Variants in MSRB3 observed in about 807,000 individuals in gnomAD.
MSRB3 encodes the protein methionine sulfoxide reductase B3.
Under a neutral mutation model 21.0 loss-of-function variants are expected in MSRB3, and 13 were observed. The ratio of observed to expected loss-of-function variants is 0.62; its 90% CI spans 0.40 to 0.98. The LOEUF (loss-of-function observed/expected upper bound fraction) is 0.98, where lower values mean the gene tolerates loss of function less well. MSRB3 is among the 50% of genes least tolerant of loss of function. The pLI, the probability that MSRB3 is intolerant of heterozygous loss-of-function variation, is 0.00. For missense variants in MSRB3, 199 were observed against 230.3 expected (o/e 0.86, Z 0.88); for synonymous variants, 87 against 88.6 (o/e 0.98, Z 0.10).
At chr12:65,392,198 G>A (rs2136580198) in intron 5 of MSRB3, among the ~76,000 whole-genome samples, 1 of 152,214 alleles carries the variant, frequency 6.6e-6, no homozygotes, top group Non-Finnish European at 1.5e-5. Flanking sequence ...TTGGAGCCCA[G>A]ACACTGGCAT....
chr12:65,428,441 C>T (rs1156461863), intron 5 of MSRB3, among the ~76,000 whole-genome samples: 1 of 152,050 alleles, frequency 6.6e-6, no homozygotes, highest in Non-Finnish European at 1.5e-5. Flanking sequence ...GCTGATATCT[C>T]CTACTCTGCC....
intron 1 of MSRB3, among the ~76,000 whole-genome samples, chr12:65,305,522 T>C (rs549337944): frequency 6.6e-6 from 1 of 152,210 alleles, no homozygotes; most frequent in African/African-American, 2.4e-5. Context: ...ATGTCCTGAG[T>C]TCACATGTAT....
intron 2 of MSRB3, among the ~76,000 whole-genome samples, chr12:65,310,759 T>TA (rs1224960054): frequency 1.3e-5 from 2 of 152,232 alleles, no homozygotes; most frequent in African/African-American, 4.8e-5. Flanking sequence ...TGATAGTTTT[T>TA]AAAAAATTAA....
At chr12:65,282,674 G>T (rs1269523743) in intron 1 of MSRB3, among the ~76,000 whole-genome samples, 1 of 134,964 alleles carries the variant, frequency 7.4e-6, no homozygotes, top group Admixed American at 7.3e-5. Context: ...TTCTTTGCTG[G>T]TGTTTTTTTT....
chr12:65,346,202 C>A (rs1043858916), intron 4 of MSRB3, among the ~76,000 whole-genome samples: 1 of 152,194 alleles, frequency 6.6e-6, no homozygotes, highest in South Asian at 2.1e-4. Context: ...GTCCCACCAA[C>A]AGTGTAAAAG....
At chr12:65,394,387 T>C (rs974343059) in intron 5 of MSRB3, among the ~76,000 whole-genome samples, 2 of 152,126 alleles carry the variant, frequency 1.3e-5, no homozygotes, top group African/African-American at 4.8e-5. Context: ...ACTACTGAAA[T>C]TGACTTGAGA....
intron 1 of MSRB3, among the ~76,000 whole-genome samples, chr12:65,304,689 T>G (rs1873544077): frequency 6.6e-6 from 1 of 152,232 alleles, no homozygotes; most frequent in African/African-American, 2.4e-5. Context: ...TGCTCAATGC[T>G]GATTTCTACA....
chr12:65,422,836 C>T, intron 5 of MSRB3, among the ~76,000 whole-genome samples: 1 of 150,864 alleles, frequency 6.6e-6, no homozygotes, highest in East Asian at 1.9e-4. Flanking sequence ...TTCTTGCTTT[C>T]TTTTTTGAGT....
At chr12:65,345,826 G>A (rs1876460925) in intron 4 of MSRB3, among the ~76,000 whole-genome samples, 1 of 152,190 alleles carries the variant, frequency 6.6e-6, no homozygotes, top group South Asian at 2.1e-4. Flanking sequence ...GTGAGAACAT[G>A]TGGTGTTTGG....
Position 65,380,998 on chromosome 12 carries a change from C to A in MSRB3, c.292+11972C>A, listed in dbSNP as rs750281889. Among the ~76,000 whole-genome samples, 94 of 152,116 alleles carry A rather than the reference C, an allele frequency of 6.2e-4. 2 individuals are homozygous for A. The highest frequency in any genetic ancestry group is 1.5e-4 in the Non-Finnish European group (10 of 68,012). On this transcript the variant is annotated intron_variant, in intron 5 of 6. Transcript: ENST00000308259. Reference sequence around the variant, plus strand: ...TAGTTGCAGAAATTTTCTCCCCCTCCAAGTAGTTACTCGGATTCAGTAGTC... The same window carrying A: ...TAGTTGCAGAAATTTTCTCCCCCTCAAAGTAGTTACTCGGATTCAGTAGTC...
At chr12:65,433,477 T>C (rs1049060140) in intron 5 of MSRB3, among the ~76,000 whole-genome samples, 1 of 151,872 alleles carries the variant, frequency 6.6e-6, no homozygotes, top group African/African-American at 2.4e-5. Flanking sequence ...ATTTCAGTAG[T>C]TCTTCTGGTC....
At chr12:65,459,852 T>G (rs1341669290) in intron 6 of MSRB3, among the ~76,000 whole-genome samples, 2 of 152,210 alleles carry the variant, frequency 1.3e-5, no homozygotes, top group Non-Finnish European at 2.9e-5. Flanking sequence ...TAAGGAATTA[T>G]GTTAAACTTG....
intron 2 of MSRB3, among the ~76,000 whole-genome samples, chr12:65,322,182 A>G (rs1354750983): frequency 6.6e-6 from 1 of 152,132 alleles, no homozygotes; most frequent in Admixed American, 6.6e-5. Context: ...CACTGACCCT[A>G]TGTTGAAGGA....
chr12:65,303,511 A>G (rs1873464876), intron 1 of MSRB3, among the ~76,000 whole-genome samples: 1 of 152,192 alleles, frequency 6.6e-6, no homozygotes, highest in African/African-American at 2.4e-5. Flanking sequence ...AATTCAAATT[A>G]TTACCTTTAA....
chr12:65,418,072 C>T (rs890060461), intron 5 of MSRB3, among the ~76,000 whole-genome samples: 1 of 152,140 alleles, frequency 6.6e-6, no homozygotes, highest in Admixed American at 6.5e-5. Flanking sequence ...TTTACATTCT[C>T]CCCAACAGTG....
chr12:65,367,897 T>C (rs1230093788), intron 4 of MSRB3, among the ~76,000 whole-genome samples: 4 of 103,466 alleles, frequency 3.9e-5, no homozygotes, highest in Non-Finnish European at 8.3e-5. Context: ...CATATATGTG[T>C]ATATATTTTA....
At chr12:65,385,262 T>A (rs10878267) in intron 5 of MSRB3, among the ~76,000 whole-genome samples, 3 of 151,954 alleles carry the variant, frequency 2.0e-5, no homozygotes, top group African/African-American at 7.3e-5. Flanking sequence ...ATATGAACTG[T>A]TATTAAATCC....
Position 65,328,580 on chromosome 12 carries a change from T to C in MSRB3, c.240T>C (p.Val80=), listed in dbSNP as rs1433623473. The C allele has an allele frequency of 6.2e-7, 1 of 1,612,474 alleles. No individual in the cohort carries two copies. The highest frequency in any genetic ancestry group is 1.7e-5 in the Admixed American group (1 of 60,022). Residue 80 remains valine (V), a synonymous_variant, in exon 4 of 7, where the codon GTT becomes GTC. Coordinates refer to ENST00000308259, the MANE Select transcript of MSRB3 (RefSeq NM_001031679.3). ...AAGATCCTGGAATATATAAATGTGT[T>C]GTTTGTGGAACTCCATTGTTTAAGT... ...HHKDPGIYKC[V]VCGTPLFKSE...
chr12:65,367,710 G>A lies in MSRB3; in HGVS notation c.264-1288G>A, dbSNP rs924237734. ...TGCAGAATTGGAGAGAGGGCAAAAT[G>A]TGAAAATGGGTTTGTACCTGAAATA... On this transcript the variant is annotated intron_variant, in intron 4 of 6. Coordinates refer to ENST00000308259, the MANE Select transcript of MSRB3 (RefSeq NM_001031679.3). Among the ~76,000 whole-genome samples the A allele has an allele frequency of 3.3e-5, 5 of 152,178 alleles. No homozygotes were observed. In the East Asian group the frequency reaches 9.6e-4, roughly 29 times the overall value.
Sources: gnomAD v4.1 joint callset for allele counts (sites outside exome capture counted in the v4.1 genomes callset) on GRCh38, gnomAD v4.1.1 for gene constraint, MANE v1.5 for transcripts, NCBI Gene and HGNC (gene_info 2026-07-23, HGNC 2026-07-21) for gene names.